Variants in CCSER1 observed in about 807,000 individuals in gnomAD.
CCSER1 encodes serine-rich coiled-coil domain-containing protein 1.
In CCSER1, 41 loss-of-function variants were observed where a neutral mutation model predicts 82.0. The ratio of observed to expected loss-of-function variants is 0.50; its 90% CI spans 0.39 to 0.65. CCSER1 has a LOEUF of 0.65. Ranked by LOEUF, CCSER1 falls within the 30% of genes least tolerant of loss-of-function variation. The pLI is 0.00. For missense variants in CCSER1, 1,119 were observed against 1,064.2 expected (o/e 1.05, Z -0.72); for synonymous variants, 414 against 383.9 (o/e 1.08, Z -0.92).
chr4:91,591,523 A>G (rs2110341019), intron 10 of CCSER1, among the ~76,000 whole-genome samples: 1 of 152,240 alleles, frequency 6.6e-6, no homozygotes, highest in African/African-American at 2.4e-5. Flanking sequence ...ATCAGTCTCC[A>G]AGCAACTAGA....
chr4:90,480,554 A>C (rs188764990), intron 5 of CCSER1, among the ~76,000 whole-genome samples: 332 of 152,270 alleles, frequency 2.2e-3, no homozygotes, highest in Admixed American at 3.9e-3. Context: ...TAATTTTTGT[A>C]TAAGGTGTAA....
chr4:90,778,417 T>A (rs1316342084), intron 7 of CCSER1, among the ~76,000 whole-genome samples: 1 of 152,130 alleles, frequency 6.6e-6, no homozygotes, highest in African/African-American at 2.4e-5. Context: ...TAGATGTATC[T>A]CTTCTTGGAT....
chr4:90,171,177 T>TA (rs60550217), intron 1 of CCSER1, among the ~76,000 whole-genome samples: 45,820 of 147,552 alleles, frequency 0.31, 8,096 homozygotes, highest in East Asian at 0.63. Context: ...GGCAGAAATG[T>TA]AAAAAAAAAA....
intron 3 of CCSER1, among the ~76,000 whole-genome samples, chr4:90,327,331 A>G (rs1360167179): frequency 6.6e-6 from 1 of 152,068 alleles, no homozygotes; most frequent in Non-Finnish European, 1.5e-5. Flanking sequence ...CTAAGCAAAA[A>G]TTCTACCACT....
intron 1 of CCSER1, among the ~76,000 whole-genome samples, chr4:90,271,890 T>TAA (rs373802428): frequency 0.037 from 2,582 of 70,126 alleles, 278 homozygotes; most frequent in African/African-American, 0.1. Flanking sequence ...TTTTTTTTTT[T>TAA]AAAAGGAGGT....
intron 5 of CCSER1, among the ~76,000 whole-genome samples, chr4:90,480,482 G>T (rs1460592967): frequency 6.6e-6 from 1 of 152,100 alleles, no homozygotes; most frequent in Non-Finnish European, 1.5e-5. Flanking sequence ...TATTGCCTAG[G>T]TTTTCTTCTA....
At chr4:91,154,824 A>C (rs1361982279) in intron 10 of CCSER1, among the ~76,000 whole-genome samples, 1 of 152,030 alleles carries the variant, frequency 6.6e-6, no homozygotes, top group Non-Finnish European at 1.5e-5. Flanking sequence ...TATCAGGCGC[A>C]GTTTTAAGTG....
chr4:91,475,840 T>G (rs1318755673), intron 10 of CCSER1, among the ~76,000 whole-genome samples: 4 of 151,832 alleles, frequency 2.6e-5, no homozygotes, highest in Non-Finnish European at 5.9e-5. Flanking sequence ...TTCTACTCAC[T>G]GTATTCATGA....
chr4:90,740,450 C>T (rs1746351677), intron 7 of CCSER1, among the ~76,000 whole-genome samples: 1 of 152,072 alleles, frequency 6.6e-6, no homozygotes, highest in South Asian at 2.1e-4. Context: ...ATGAATTTTG[C>T]TTAATTTGTG....
intron 9 of CCSER1, among the ~76,000 whole-genome samples, chr4:91,073,573 C>T (rs925910765): frequency 6.6e-5 from 10 of 151,814 alleles, no homozygotes; most frequent in Admixed American, 3.9e-4. Flanking sequence ...TTTTTATCAA[C>T]AATATAATTG....
At chr4:91,252,215 A>C (rs113646229) in intron 10 of CCSER1, among the ~76,000 whole-genome samples, 1 of 152,152 alleles carries the variant, frequency 6.6e-6, no homozygotes, top group East Asian at 1.9e-4. Flanking sequence ...TTGTCAACAA[A>C]TAATTCTATA....
intron 1 of CCSER1, among the ~76,000 whole-genome samples, chr4:90,271,313 T>C (rs751868243): frequency 6.6e-6 from 1 of 152,022 alleles, no homozygotes; most frequent in Non-Finnish European, 1.5e-5. Context: ...TGGAGCATAA[T>C]TGAGAAACCA....
intron 10 of CCSER1, among the ~76,000 whole-genome samples, chr4:91,489,958 A>C (rs1305189140): frequency 6.6e-6 from 1 of 152,174 alleles, no homozygotes; most frequent in East Asian, 1.9e-4. Flanking sequence ...TTTCTCAAAA[A>C]AGAGATACAA....
At chr4:91,030,377 A>C (rs922936549) in intron 9 of CCSER1, among the ~76,000 whole-genome samples, 3 of 152,146 alleles carry the variant, frequency 2.0e-5, no homozygotes, top group Non-Finnish European at 4.4e-5. Context: ...TGAGCACTTG[A>C]AATGTGAATA....
At chr4:90,129,217 G>A (rs969477551) in intron 1 of CCSER1, among the ~76,000 whole-genome samples, 2 of 151,796 alleles carry the variant, frequency 1.3e-5, no homozygotes, top group Non-Finnish European at 2.9e-5. Context: ...ACAGCCTTAG[G>A]GAAAACGGAT....
chr4:90,727,678 A>T (rs1211473723), intron 7 of CCSER1, among the ~76,000 whole-genome samples: 2 of 152,188 alleles, frequency 1.3e-5, no homozygotes, highest in Admixed American at 6.6e-5. Context: ...TAGCAGCCTC[A>T]GTCCATTCCT....
At chr4:91,379,220 G>A (rs1262057601) in intron 10 of CCSER1, among the ~76,000 whole-genome samples, 1 of 151,986 alleles carries the variant, frequency 6.6e-6, no homozygotes, top group African/African-American at 2.4e-5. Context: ...CTCTTTTTTT[G>A]TTGTGTCTCT....
intron 10 of CCSER1, among the ~76,000 whole-genome samples, chr4:91,219,610 A>G (rs2149097801): frequency 6.6e-6 from 1 of 152,198 alleles, no homozygotes; most frequent in Admixed American, 6.5e-5. Flanking sequence ...GCCCAGTTTG[A>G]ATTTAAATTG....
At chr4:91,540,866 A>C (rs1335794138) in intron 10 of CCSER1, among the ~76,000 whole-genome samples, 1 of 152,042 alleles carries the variant, frequency 6.6e-6, no homozygotes, top group South Asian at 2.1e-4. Flanking sequence ...ATTTAAGTGG[A>C]TCTACTTAGG....
Sources: allele counts gnomAD v4.1 joint callset (sites outside exome capture counted in the v4.1 genomes callset), GRCh38; gene constraint gnomAD v4.1.1; transcripts MANE v1.5; gene names NCBI Gene and HGNC (gene_info 2026-07-23, HGNC 2026-07-21).